Variants in ZBTB16 observed in about 807,000 individuals in gnomAD.
ZBTB16 encodes the protein zinc finger and BTB domain containing 16.
In ZBTB16, 8 loss-of-function variants were observed where a neutral mutation model predicts 56.8. That is an observed-to-expected ratio of 0.14 (90% CI 0.08 to 0.25). The LOEUF is 0.25. Among genes scored for constraint, ZBTB16 ranks in the 10% least tolerant of loss-of-function variants. The probability of loss-of-function intolerance (pLI) is 1.00; values close to 1 mark genes in which losing one functional copy is unlikely to be tolerated. For missense variants in ZBTB16, 625 were observed against 903.0 expected, an observed-to-expected ratio of 0.69 and a Z score of 3.95; for synonymous variants, 363 against 368.5, an observed-to-expected ratio of 0.98 and a Z score of 0.17.
At chr11:114,134,237 G>C (rs1427809738) in intron 2 of ZBTB16, among the ~76,000 whole-genome samples, 2 of 152,146 alleles carry the variant, frequency 1.3e-5, no homozygotes, top group East Asian at 3.9e-4. Flanking sequence ...AGTAGGTAAA[G>C]GGAAAAAATG....
At chr11:114,127,395 G>A (rs1003704312) in intron 2 of ZBTB16, among the ~76,000 whole-genome samples, 1 of 152,172 alleles carries the variant, frequency 6.6e-6, no homozygotes, top group South Asian at 2.1e-4. Context: ...AGTGGGAGCA[G>A]AACTCTGTAT....
At position 114,251,892 on chromosome 11, in the gene ZBTB16, A is replaced by T; in HGVS notation, c.*1337A>T. On this transcript the variant is annotated 3_prime_UTR_variant, in exon 7 of 7. Transcript: ENST00000335953. ...AATTACCTCAGTTTTTTGTGACCTC[A>T]TGAGCTTTCTTAACCTCTGTATCTC... 6.6e-6 allele frequency among the ~76,000 whole-genome samples: 1 copy of T among 152,162 alleles called. No individual in the cohort carries two copies. The highest frequency in any genetic ancestry group is 1.9e-4 in the East Asian group (1 of 5,184).
At chr11:114,112,417 G>A (rs955879941) in intron 2 of ZBTB16, among the ~76,000 whole-genome samples, 4 of 152,286 alleles carry the variant, frequency 2.6e-5, no homozygotes, top group Admixed American at 1.3e-4. Context: ...AGATGGAGAA[G>A]GTAGAGGGAG....
At chr11:114,190,807 G>A (rs372586268) in intron 4 of ZBTB16, among the ~76,000 whole-genome samples, 9 of 152,060 alleles carry the variant, frequency 5.9e-5, no homozygotes, top group African/African-American at 2.2e-4. Context: ...AGAGTGACGT[G>A]CCATGTATTA....
chr11:114,249,694 A>G, intron 6 of ZBTB16, among the ~76,000 whole-genome samples: 1 of 137,576 alleles, frequency 7.3e-6, no homozygotes, highest in African/African-American at 2.8e-5. Context: ...GAACCCGGGA[A>G]GCGGAGCTTG....
intron 3 of ZBTB16, among the ~76,000 whole-genome samples, chr11:114,177,882 T>C (rs973408340): frequency 6.6e-6 from 1 of 152,246 alleles, no homozygotes; most frequent in African/African-American, 2.4e-5. Flanking sequence ...ACCTGGCCTG[T>C]ATTTTTAAAA....
intron 4 of ZBTB16, among the ~76,000 whole-genome samples, chr11:114,237,680 CT>C (rs1944619905): frequency 6.6e-6 from 1 of 151,888 alleles, no homozygotes; most frequent in South Asian, 2.1e-4. Flanking sequence ...GTAATAGAAT[CT>C]GCCCTGACTC....
chr11:114,162,158 T>C (rs1305379663), intron 3 of ZBTB16, among the ~76,000 whole-genome samples: 2 of 152,236 alleles, frequency 1.3e-5, no homozygotes, highest in African/African-American at 4.8e-5. Context: ...GGGACCTGGG[T>C]CATCCTCCTG....
chr11:114,187,375 C>T (rs1943386142), intron 4 of ZBTB16: 2 of 340,876 alleles, frequency 5.9e-6, no homozygotes, highest in Admixed American at 4.0e-5. Context: ...ACATCTTCTT[C>T]CCTTGGTCAG....
chr11:114,247,103 C>G (rs537863892), intron 5 of ZBTB16, 95 bp from the exon 6 acceptor site: 1 of 1,556,214 alleles, frequency 6.4e-7, no homozygotes, highest in Non-Finnish European at 8.8e-7. Context: ...GAATACAGGC[C>G]GTCGCATCCT....
Position 114,143,041 on chromosome 11 carries a change from C to T in ZBTB16, c.1269-13296C>T, listed in dbSNP as rs767500187. Among the ~76,000 whole-genome samples, 2 of 152,132 alleles carry T rather than the reference C, an allele frequency of 1.3e-5. No individual in the cohort carries two copies. Among genetic ancestry groups the T allele is most frequent in the African/African-American group, 2.4e-5 (1 of 41,408 alleles). On this transcript the variant is annotated intron_variant, in intron 2 of 6. Transcript: ENST00000335953. This position sits in a 1 kb window ranked among gnomAD's most constrained non-coding sequence, Gnocchi z 6.4. ...GTTTATGGGGAAATAAAGCCCCTGG[C>T]CAGCGTTGGTTTCTCTGCTGCCTTG...
intron 4 of ZBTB16, among the ~76,000 whole-genome samples, chr11:114,210,196 T>TGCAC (rs1943970748): frequency 1.3e-5 from 2 of 151,156 alleles, no homozygotes; most frequent in Non-Finnish European, 2.9e-5. Flanking sequence ...TGTGTGTGCG[T>TGCAC]GCGCGCGCGT....
intron 2 of ZBTB16, among the ~76,000 whole-genome samples, chr11:114,134,388 C>T (rs1247300097): frequency 6.6e-6 from 1 of 151,564 alleles, no homozygotes; most frequent in East Asian, 1.9e-4. Context: ...TTTTTGGTAT[C>T]CAAACTTGGT....
rs909582547 is a variant in ZBTB16, at chr11:114,060,789, G to A, written c.-91+907G>A. Among the ~76,000 whole-genome samples the A allele has an allele frequency of 1.1e-3, 167 of 152,202 alleles. No homozygotes were observed. Among genetic ancestry groups the A allele is most frequent in the African/African-American group, 3.8e-3 (156 of 41,546 alleles). The stretch of plus-strand genomic sequence containing the variant: ...CCCGAGACGCTCGCACCGTGCTTGG[G>A]CCGGGCGCGCTGGCCGCTGGCGCCG... On this transcript the variant is annotated intron_variant, in intron 1 of 6. Transcript: ENST00000335953. This position sits in a 1 kb window ranked among gnomAD's most constrained non-coding sequence, Gnocchi z 6.0.
At chr11:114,067,803 A>G (rs1263833444) in intron 2 of ZBTB16, among the ~76,000 whole-genome samples, 1 of 152,150 alleles carries the variant, frequency 6.6e-6, no homozygotes, top group African/African-American at 2.4e-5. Context: ...TGGGGGTCTA[A>G]AGAAATCAGA....
intron 4 of ZBTB16, chr11:114,209,604 C>T (rs1943955672): frequency 1.0e-6 from 1 of 985,282 alleles, no homozygotes; most frequent in South Asian, 4.7e-5. Flanking sequence ...CAACTGCCTC[C>T]CTGGGGGGCT....
rs187018643 is a variant in ZBTB16, at chr11:114,072,169, C to T, written c.1268+7601C>T. On this transcript the variant is annotated intron_variant, in intron 2 of 6. Transcript: ENST00000335953. ...CCAGATCCTGCTTTCTCCCTGAGAC[C>T]GTTCTTCCGCATAGGCGTCAATCCG... 2.6e-5 allele frequency among the ~76,000 whole-genome samples: 4 copies of T among 152,340 alleles called. No homozygotes were observed. The East Asian group carries it at 5.8e-4, about 22-fold the overall frequency.
intron 4 of ZBTB16, among the ~76,000 whole-genome samples, chr11:114,201,955 T>C (rs558260113): frequency 1.3e-5 from 2 of 152,326 alleles, no homozygotes; most frequent in African/African-American, 4.8e-5. Context: ...GGAGGACTTC[T>C]AAAAAGAAAA....
Position 114,250,207 on chromosome 11 carries a change from C to A in ZBTB16, c.1793-119C>A, listed in dbSNP as rs1944893533. ...GGTGCCTTCATTGTCCCAGAAAGTTCTGTTGGAGCAAGCCCAGCTGGAGGA... is the reference window on the plus strand; with the variant it reads ...GGTGCCTTCATTGTCCCAGAAAGTTATGTTGGAGCAAGCCCAGCTGGAGGA... On this transcript the variant is annotated intron_variant, in intron 6 of 6. Transcript: ENST00000335953. This position sits in a 1 kb window ranked among gnomAD's most constrained non-coding sequence, Gnocchi z 6.0. 9.0e-7 allele frequency: 1 copy of A among 1,112,782 alleles called. No homozygotes were observed. The highest frequency in any genetic ancestry group is 1.3e-6 in the Non-Finnish European group (1 of 745,406). 68.9% of individuals were successfully genotyped at this position (1,112,782 alleles called of 1,614,324 possible). A position where few individuals can be genotyped will look rare whatever the true frequency, so the allele number is the denominator to read the frequency against.
Sources: gnomAD v4.1 joint callset for allele counts (sites outside exome capture counted in the v4.1 genomes callset) on GRCh38, gnomAD v4.1.1 for gene constraint, Gnocchi (gnomAD v3.1) non-coding constraint, MANE v1.5 for transcripts, NCBI Gene and HGNC (gene_info 2026-07-23, HGNC 2026-07-21) for gene names.